The following GNB4 variants were observed in gnomAD, a reference collection of about 807,000 sequenced individuals.
GNB4 encodes G protein subunit beta 4.
In GNB4, 28 loss-of-function variants were observed where a neutral mutation model predicts 45.2. The ratio of observed to expected loss-of-function variants is 0.62; its 90% CI spans 0.46 to 0.85. The LOEUF (loss-of-function observed/expected upper bound fraction) is 0.85. Ranked by LOEUF, GNB4 falls within the 40% of genes least tolerant of loss-of-function variation. The probability of loss-of-function intolerance (pLI) is 0.00; values close to 1 mark genes in which losing one functional copy is unlikely to be tolerated. For missense variants in GNB4, 321 were observed against 425.4 expected, an observed-to-expected ratio of 0.75 and a Z score of 2.16; for synonymous variants, 132 against 143.7, an observed-to-expected ratio of 0.92 and a Z score of 0.58.
chr3:179,457,538 A>G, the GNB4 span, among the ~76,000 whole-genome samples: 2,022 of 152,326 alleles, frequency 0.013, 34 homozygotes, highest in African/African-American at 0.047. Flanking sequence ...AGCACAGCAC[A>G]TGCACCCACC....
chr3:179,431,530 GCC>G (rs1715308444), intron 1 of GNB4, among the ~76,000 whole-genome samples: 1 of 144,126 alleles, frequency 6.9e-6, no homozygotes, highest in Middle Eastern at 3.4e-3. Flanking sequence ...CTGCACTCCA[GCC>G]TGGGTGAAGA....
chr3:179,422,499 A>G (rs1715021508), intron 2 of GNB4, among the ~76,000 whole-genome samples: 1 of 151,826 alleles, frequency 6.6e-6, no homozygotes, highest in Non-Finnish European at 1.5e-5. Flanking sequence ...AAAAAAGAAC[A>G]GAATATAAAA....
At chr3:179,523,505 A>G in the GNB4 span, among the ~76,000 whole-genome samples, 3 of 152,196 alleles carry the variant, frequency 2.0e-5, no homozygotes, top group Non-Finnish European at 4.4e-5. Flanking sequence ...TAGATAAAAC[A>G]ATTTGGTTGA....
At chr3:179,421,702 C>A (rs1409669232) in intron 2 of GNB4, among the ~76,000 whole-genome samples, 3 of 152,242 alleles carry the variant, frequency 2.0e-5, no homozygotes, top group African/African-American at 7.2e-5. Flanking sequence ...CAGCTCCCAG[C>A]AAACACTGGA....
chr3:179,497,064 T>C, the GNB4 span, among the ~76,000 whole-genome samples: 3 of 152,104 alleles, frequency 2.0e-5, no homozygotes, highest in Non-Finnish European at 4.4e-5. Context: ...GTTGCTTGAA[T>C]TGTAAAGTGA....
the GNB4 span, among the ~76,000 whole-genome samples, chr3:179,475,636 C>G: frequency 6.6e-6 from 1 of 151,198 alleles, no homozygotes; most frequent in African/African-American, 2.4e-5. Flanking sequence ...CCACACCCGG[C>G]TAATTTTTTG....
chr3:179,415,745 C>T (rs1714781077), intron 5 of GNB4, among the ~76,000 whole-genome samples: 1 of 151,988 alleles, frequency 6.6e-6, no homozygotes, highest in African/African-American at 2.4e-5. Context: ...GCTTAAAATA[C>T]ATTTTTTTTG....
chr3:179,464,214 T>C, the GNB4 span: 1 of 391,282 alleles, frequency 2.6e-6, no homozygotes. Flanking sequence ...ATCCCAACGT[T>C]TTAGGAGGCT....
At chr3:179,434,884 A>G (rs1481552437) in intron 1 of GNB4, among the ~76,000 whole-genome samples, 4 of 152,114 alleles carry the variant, frequency 2.6e-5, no homozygotes, top group African/African-American at 9.7e-5. Flanking sequence ...ACTGTACTCC[A>G]GCCTGGGCAG....
At chr3:179,471,202 A>G in the GNB4 span, among the ~76,000 whole-genome samples, 2 of 134,250 alleles carry the variant, frequency 1.5e-5, no homozygotes, top group Admixed American at 7.5e-5. Context: ...AAAAAGTATC[A>G]GCAAGCTAAG....
chr3:179,429,687 GA>G (rs1247305124), intron 1 of GNB4, among the ~76,000 whole-genome samples: 1 of 152,086 alleles, frequency 6.6e-6, no homozygotes, highest in African/African-American at 2.4e-5. Flanking sequence ...AACCCTGGAT[GA>G]AAGCAGCTAC....
At chr3:179,418,343 G>T (rs1714863689) in intron 4 of GNB4, among the ~76,000 whole-genome samples, 2 of 151,486 alleles carry the variant, frequency 1.3e-5, no homozygotes, top group Non-Finnish European at 2.9e-5. Flanking sequence ...GGTTGTGGAT[G>T]TCTGTAATCC....
chr3:179,481,796 G>A, the GNB4 span, among the ~76,000 whole-genome samples: 9 of 152,250 alleles, frequency 5.9e-5, no homozygotes, highest in South Asian at 2.1e-4. Context: ...CAAAGTCGAC[G>A]TGATTCACTC....
At chr3:179,406,206 C>T (rs527273290) in intron 8 of GNB4, among the ~76,000 whole-genome samples, 2 of 152,284 alleles carry the variant, frequency 1.3e-5, no homozygotes, top group East Asian at 3.9e-4. Flanking sequence ...CACTCTCTTA[C>T]TGTTACATTT....
At chr3:179,508,109 A>G in the GNB4 span, among the ~76,000 whole-genome samples, 1 of 152,200 alleles carries the variant, frequency 6.6e-6, no homozygotes, top group African/African-American at 2.4e-5. Context: ...ATTTTAACTG[A>G]AAGTATCCAA....
At chr3:179,509,974 C>T in the GNB4 span, among the ~76,000 whole-genome samples, 1 of 152,090 alleles carries the variant, frequency 6.6e-6, no homozygotes, top group African/African-American at 2.4e-5. Flanking sequence ...CAAGTGTGCA[C>T]TGTCACGCCC....
chr3:179,441,447 G>A (rs1022294406), intron 1 of GNB4, among the ~76,000 whole-genome samples: 2 of 152,010 alleles, frequency 1.3e-5, no homozygotes, highest in South Asian at 2.1e-4. Context: ...GTAAAAACAT[G>A]GTAAAGCCAG....
chr3:179,420,518 A>G (rs1371367221), intron 3 of GNB4, among the ~76,000 whole-genome samples: 1 of 150,898 alleles, frequency 6.6e-6, no homozygotes, highest in Non-Finnish European at 1.5e-5. Context: ...GCTGGAGTAC[A>G]ATGGTGCGAT....
rs1438923599 is a variant in GNB4 at position 179,399,035 on chromosome 3, T to TA, written c.*2177dup. The TA allele has an allele frequency of 6.6e-6, 1 of 152,208 alleles. No individual in the cohort carries two copies. Among genetic ancestry groups the TA allele is most frequent in the Non-Finnish European group, 1.5e-5 (1 of 68,038 alleles). The allele number at this position is 152,208 out of a possible 1,614,324, so 9.4% of individuals were successfully genotyped here. A position where few individuals can be genotyped will look rare whatever the true frequency, so the allele number is the denominator to read the frequency against. On this transcript the variant is annotated 3_prime_UTR_variant, in exon 10 of 10. Coordinates refer to ENST00000232564, the MANE Select transcript of GNB4 (RefSeq NM_021629.4). ...TCTCTTACATATTTAAGGTTATTTT[T>TA]ATGCATAATAGAATTGCTTTCTTCT...
Sources: allele counts gnomAD v4.1 joint callset (sites outside exome capture counted in the v4.1 genomes callset), GRCh38; gene constraint gnomAD v4.1.1; transcripts MANE v1.5; gene names NCBI Gene and HGNC (gene_info 2026-07-23, HGNC 2026-07-21).